The following FBXO11 variants were observed in gnomAD, a reference collection of about 807,000 sequenced individuals.
The protein encoded by FBXO11 is F-box only protein 11.
A neutral mutation model predicts 117.0 loss-of-function variants in FBXO11; 13 were observed. The ratio of observed to expected loss-of-function variants is 0.11; its 90% CI spans 0.07 to 0.18. The LOEUF (loss-of-function observed/expected upper bound fraction) is 0.18. FBXO11 is among the 10% of genes least tolerant of loss of function. The pLI is 1.00. For synonymous variants in FBXO11, 490 were observed against 380.5 expected (o/e 1.29, Z -3.35); for missense variants, 767 against 1,164.4 (o/e 0.66, Z 4.97).
At chr2:47,865,727 G>GTCT (rs1675145641) in intron 1 of FBXO11, 1 of 152,092 alleles carries the variant, frequency 6.6e-6, no homozygotes, top group South Asian at 2.1e-4. Context: ...AGACACTGGT[G>GTCT]GAAACAACAT....
chr2:47,848,447 T>G (rs1181257002), intron 1 of FBXO11, among the ~76,000 whole-genome samples: 1 of 152,204 alleles, frequency 6.6e-6, no homozygotes, highest in Non-Finnish European at 1.5e-5. Context: ...AGTTTCATCC[T>G]GAAACCACCC....
intron 1 of FBXO11, among the ~76,000 whole-genome samples, chr2:47,900,626 ATACACACAC>A (rs1678074230): frequency 2.7e-5 from 1 of 36,622 alleles, no homozygotes; most frequent in African/African-American, 8.3e-5. Context: ...ATACACACGT[ATACACACAC>A]GTACGTATAT....
At chr2:47,877,323 T>C (rs1323509655) in intron 1 of FBXO11, among the ~76,000 whole-genome samples, 1 of 152,192 alleles carries the variant, frequency 6.6e-6, no homozygotes, top group Non-Finnish European at 1.5e-5. Flanking sequence ...AATTGTTCTA[T>C]TATTTACACC....
rs111533157 is a variant in FBXO11 at position 47,883,467 on chromosome 2, G to C, written c.232+22022C>G. 2,297 of 402,682 alleles carry C rather than the reference G, an allele frequency of 5.7e-3. 39 individuals carry two copies. The highest frequency in any genetic ancestry group is 0.04 in the African/African-American group (1,970 of 49,092). 24.9% of individuals were successfully genotyped at this position (402,682 alleles called of 1,614,324 possible). ...AGCCGCCACCAAAATGCAGATTTTT[G>C]TAAAAACCCTTATGGGGAAGACCAT... On this transcript the variant is annotated intron_variant, in intron 1 of 22. Transcript: ENST00000403359.
At chr2:47,884,920 T>G (rs1676703267) in intron 1 of FBXO11, among the ~76,000 whole-genome samples, 1 of 152,194 alleles carries the variant, frequency 6.6e-6, no homozygotes, top group Non-Finnish European at 1.5e-5. Flanking sequence ...ATACATCATT[T>G]CTATTGCGCA....
At chr2:47,904,235 C>T (rs1361170158) in intron 1 of FBXO11, among the ~76,000 whole-genome samples, 1 of 152,110 alleles carries the variant, frequency 6.6e-6, no homozygotes, top group Non-Finnish European at 1.5e-5. Flanking sequence ...TAACCTTAAT[C>T]CGCCAACTAA....
At chr2:47,809,434 A>T in intron 20 of FBXO11, 166 bp downstream of exon 20, 1 of 691,490 alleles carries the variant, frequency 1.4e-6, no homozygotes, top group Non-Finnish European at 2.4e-6. Flanking sequence ...TTTTCCTTGT[A>T]TAAGATACTC....
At chr2:47,884,400 T>C (rs1033891555) in intron 1 of FBXO11, among the ~76,000 whole-genome samples, 2 of 152,204 alleles carry the variant, frequency 1.3e-5, no homozygotes. Context: ...CATGAACCCC[T>C]TACTGTCAGT....
At chr2:47,815,764 C>T (rs1014214250) in intron 16 of FBXO11, among the ~76,000 whole-genome samples, 5 of 152,158 alleles carry the variant, frequency 3.3e-5, no homozygotes, top group African/African-American at 7.2e-5. Flanking sequence ...GTAAGGTTAG[C>T]GAGAGTTAGA....
chr2:47,807,569 CAG>C lies in FBXO11; in HGVS notation c.*547_*548del, dbSNP rs372869373. 8.3e-4 allele frequency: 179 copies of C among 215,210 alleles called. No individual in the cohort carries two copies. The highest frequency in any genetic ancestry group is 1.5e-3 in the African/African-American group (65 of 44,356). 13.3% of individuals were successfully genotyped at this position (215,210 alleles called of 1,614,324 possible). A position where few individuals can be genotyped will look rare whatever the true frequency, so the allele number is the denominator to read the frequency against. ...AGCAAGTCTAGGTGTGCTAACAAAACAGGGCACATTCAAGTACAGTAAGATTT... is the reference window on the plus strand; with the variant it reads ...AGCAAGTCTAGGTGTGCTAACAAAACGGCACATTCAAGTACAGTAAGATTT... On this transcript the variant is annotated 3_prime_UTR_variant, in exon 23 of 23. Transcript: ENST00000403359.
At chr2:47,875,496 G>A (rs529124461) in intron 1 of FBXO11, among the ~76,000 whole-genome samples, 1,856 of 98,112 alleles carry the variant, frequency 0.019, 27 homozygotes, top group African/African-American at 0.079. Context: ...TTCTTTTTTT[G>A]TCTTTTTTTT....
chr2:47,821,337 G>A (rs1000398597), intron 13 of FBXO11, among the ~76,000 whole-genome samples: 5 of 152,214 alleles, frequency 3.3e-5, no homozygotes, highest in African/African-American at 9.6e-5. Context: ...ATGGCCAGGC[G>A]CGGTGGCTCA....
chr2:47,890,644 A>C (rs1677187619), intron 1 of FBXO11, among the ~76,000 whole-genome samples: 1 of 151,950 alleles, frequency 6.6e-6, no homozygotes, highest in African/African-American at 2.4e-5. Flanking sequence ...TCTCTACTAA[A>C]AATACAAAAA....
Position 47,819,095 on chromosome 2 carries a change from C to G in FBXO11, c.1798-17G>C, listed in dbSNP as rs760070566. 1.2e-6 allele frequency: 2 copies of G among 1,610,698 alleles called. No homozygotes were observed. Among genetic ancestry groups the G allele is most frequent in the East Asian group, 2.2e-5 (1 of 44,864 alleles). ...CTTTTCATGCTAAATGAAAGTTACA[C>G]TGGTTATAATATTTATCTTCTATAA... is the stretch of plus-strand genomic sequence containing the variant. On this transcript the variant is annotated splice_polypyrimidine_tract_variant and intron_variant, in intron 14 of 22. Transcript: ENST00000403359.
At chr2:47,822,383 A>C in intron 12 of FBXO11, 80 bp from the exon 13 acceptor site, 1 of 802,832 alleles carries the variant, frequency 1.2e-6, no homozygotes, top group East Asian at 2.7e-5. Context: ...AAGGCCCCTC[A>C]TGGTCATATA....
Position 47,902,566 on chromosome 2 carries a change from C to A in FBXO11, c.232+2923G>T, listed in dbSNP as rs567615160. Among the ~76,000 whole-genome samples, 673 of 152,070 alleles carry A rather than the reference C, an allele frequency of 4.4e-3. 2 individuals carry two copies. Among genetic ancestry groups the A allele is most frequent in the Middle Eastern group, 0.017 (5 of 294 alleles). On this transcript the variant is annotated intron_variant, in intron 1 of 22. Coordinates refer to ENST00000403359, the MANE Select transcript of FBXO11 (RefSeq NM_001190274.2). ...AAACATGTATATACACAAATATACCCACATACACACACACATACACATACA... is the reference window on the plus strand; with the variant it reads ...AAACATGTATATACACAAATATACCAACATACACACACACATACACATACA...
At chr2:47,865,978 C>G (rs113797301) in intron 1 of FBXO11, 3 of 152,272 alleles carry the variant, frequency 2.0e-5, no homozygotes, top group African/African-American at 7.2e-5. Context: ...GGGTCAGGTA[C>G]AGTGGCTCAT....
intron 1 of FBXO11, 93 bp downstream of exon 1, chr2:47,905,376 TCCCACCCCCAGGGCGCGCAG>T (rs1195604669): frequency 1.3e-5 from 13 of 1,031,722 alleles, no homozygotes; most frequent in African/African-American, 1.7e-5. Flanking sequence ...AGCTTGGGTC[TCCCACCCCCAGGGCGCGCAG>T]GCCGCCCCCG....
In FBXO11 at chr2:47,900,771, T is replaced by C. The variant is rs544154245; in HGVS notation, c.232+4718A>G. 3.9e-4 allele frequency among the ~76,000 whole-genome samples: 31 copies of C among 78,760 alleles called. 1 individual carries two copies. Among genetic ancestry groups the C allele is most frequent in the Non-Finnish European group, 6.1e-4 (21 of 34,602 alleles). 51.7% of individuals were successfully genotyped at this position (78,760 alleles called of 152,430 possible). A position where few individuals can be genotyped will look rare whatever the true frequency, so the allele number is the denominator to read the frequency against. Reference sequence around the variant, plus strand: ...ACGTATACACACACGTGTATATATATACACGTATACACACACGTGTATATA... The same window carrying C: ...ACGTATACACACACGTGTATATATACACACGTATACACACACGTGTATATA... On this transcript the variant is annotated intron_variant, in intron 1 of 22. Transcript: ENST00000403359.
Sources: gnomAD v4.1 joint callset for allele counts (sites outside exome capture counted in the v4.1 genomes callset) on GRCh38, gnomAD v4.1.1 for gene constraint, MANE v1.5 for transcripts, NCBI Gene and HGNC (gene_info 2026-07-23, HGNC 2026-07-21) for gene names.